Variants in PRELID3B observed in about 807,000 individuals in gnomAD.
PRELID3B encodes PRELI domain containing protein 3B.
A neutral mutation model predicts 24.0 loss-of-function variants in PRELID3B; 15 were observed. The observed-to-expected ratio is 0.63, with a 90% confidence interval of 0.42 to 0.96. The LOEUF is 0.96. Ranked by LOEUF, PRELID3B falls within the 40% of genes least tolerant of loss-of-function variation. The pLI, the probability that PRELID3B is intolerant of heterozygous loss-of-function variation, is 0.00. For missense variants in PRELID3B, 189 were observed against 236.0 expected (o/e 0.80, Z 1.30); for synonymous variants, 62 against 76.0 (o/e 0.82, Z 0.96).
chr20:59,040,630 G>T lies in PRELID3B; in HGVS notation c.33-1996C>A, dbSNP rs2092103891. Among the ~76,000 whole-genome samples the T allele has an allele frequency of 6.6e-6, 1 of 152,226 alleles. No individual in the cohort carries two copies. Among genetic ancestry groups the T allele is most frequent in the Non-Finnish European group, 1.5e-5 (1 of 68,042 alleles). On this transcript the variant is annotated intron_variant, in intron 1 of 5. Transcript: ENST00000355937. The surrounding 1 kb of genome is among the most constrained non-coding windows in gnomAD (Gnocchi z 4.1). ...GATGTAGAATGATGACTTAGACATT[G>T]TTAGAGAGTGACATCCTAAAGATCA...
At chr20:59,038,223 C>A (rs1235748475) in intron 2 of PRELID3B, 1 of 399,248 alleles carries the variant, frequency 2.5e-6, no homozygotes, top group Non-Finnish European at 4.5e-6. Flanking sequence ...GAATAGAACT[C>A]CTTTCAGATC....
At chr20:59,042,042 G>C (rs1306590157) in intron 1 of PRELID3B, among the ~76,000 whole-genome samples, 1 of 152,210 alleles carries the variant, frequency 6.6e-6, no homozygotes, top group Non-Finnish European at 1.5e-5. Context: ...GCCTCAAAGA[G>C]CTAACACGGG....
In PRELID3B at chr20:59,033,374, A is replaced by C. The variant is rs1189710846; in HGVS notation, c.*1633T>G. 6.6e-6 allele frequency: 1 copy of C among 152,204 alleles called. No individual in the cohort carries two copies. The highest frequency in any genetic ancestry group is 1.5e-5 in the Non-Finnish European group (1 of 68,040). 9.4% of individuals were successfully genotyped at this position (152,204 alleles called of 1,614,324 possible). On this transcript the variant is annotated 3_prime_UTR_variant, in exon 6 of 6. Transcript: ENST00000355937. The stretch of plus-strand genomic sequence containing the variant: ...AAAAAATCAAAGGATAAGGATTTAA[A>C]AATATTAGGGCATTACACCTTTTTC...
chr20:59,036,001 A>G (rs1228813737), intron 5 of PRELID3B, among the ~76,000 whole-genome samples: 4 of 152,222 alleles, frequency 2.6e-5, no homozygotes, highest in Non-Finnish European at 5.9e-5. Context: ...TTATGTATAA[A>G]GCCCACACAT....
chr20:59,036,069 A>T (rs1203395145), intron 5 of PRELID3B, among the ~76,000 whole-genome samples: 6 of 144,126 alleles, frequency 4.2e-5, no homozygotes, highest in Middle Eastern at 7.1e-3. Context: ...GTCTAAAACG[A>T]GTTGTGGGGG....
Position 59,033,797 on chromosome 20 carries a change from T to TAA in PRELID3B, c.*1208_*1209dup, listed in dbSNP as rs1476671152. 6.6e-6 allele frequency: 1 copy of TAA among 152,266 alleles called. No individual in the cohort carries two copies. Among genetic ancestry groups the TAA allele is most frequent in the Non-Finnish European group, 1.5e-5 (1 of 68,050 alleles). The allele number at this position is 152,266 out of a possible 1,614,324, so 9.4% of individuals were successfully genotyped here. On this transcript the variant is annotated 3_prime_UTR_variant, in exon 6 of 6. Coordinates refer to ENST00000355937, the MANE Select transcript of PRELID3B (RefSeq NM_016045.3). ...AATGTCAAAGCTATTATTTAGTAGT[T>TAA]AATTGCCTGCTACAATACATAAAAC...
chr20:59,038,419 ACTT>A, intron 2 of PRELID3B, 44 bp downstream of exon 2: 1 of 1,555,586 alleles, frequency 6.4e-7, no homozygotes, highest in Non-Finnish European at 8.8e-7. Flanking sequence ...GGTTTAGAAA[ACTT>A]CTCTACAGCA....
At chr20:59,042,038 A>G (rs77098682) in intron 1 of PRELID3B, among the ~76,000 whole-genome samples, 31 of 152,362 alleles carry the variant, frequency 2.0e-4, no homozygotes, top group African/African-American at 7.2e-4. Context: ...CGTGGCCTCA[A>G]AGAGCTAACA....
chr20:59,038,686 A>G, intron 1 of PRELID3B, 52 bp from the exon 2 acceptor site: 1 of 1,516,734 alleles, frequency 6.6e-7, no homozygotes, highest in Non-Finnish European at 8.8e-7. Flanking sequence ...ATTTAAAATT[A>G]TGCATATGAG....
chr20:59,036,381 C>T, intron 5 of PRELID3B, 90 bp downstream of exon 5: 1 of 971,424 alleles, frequency 1.0e-6, no homozygotes. Flanking sequence ...GGGCAAGGGT[C>T]AGCTTACAAG....
intron 4 of PRELID3B, 46 bp from the exon 5 acceptor site, chr20:59,036,619 T>C (rs772789818): frequency 1.4e-5 from 22 of 1,593,290 alleles, no homozygotes; most frequent in Non-Finnish European, 1.7e-5. Context: ...CCAGCTTTCA[T>C]TTTCAAAAAA....
Position 59,040,917 on chromosome 20 carries a change from T to C in PRELID3B, c.32+1782A>G, listed in dbSNP as rs192501630. Among the ~76,000 whole-genome samples, 13 of 152,080 alleles carry C rather than the reference T, an allele frequency of 8.5e-5. No homozygotes were observed. Among genetic ancestry groups the C allele is most frequent in the Admixed American group, 7.9e-4 (12 of 15,286 alleles). ...TGCTTCTCCCAGGACAAAAAAAAAG[T>C]CTGTGACGAAAAGAGAAACAAAAAA... On this transcript the variant is annotated intron_variant, in intron 1 of 5. Transcript: ENST00000355937. The surrounding 1 kb of genome is among the most constrained non-coding windows in gnomAD (Gnocchi z 4.1).
chr20:59,033,208 TAGTCCA>T lies in PRELID3B; in HGVS notation c.*1793_*1798del, dbSNP rs1437936501. 4 of 152,230 alleles carry T rather than the reference TAGTCCA, an allele frequency of 2.6e-5. No individual in the cohort carries two copies. Among genetic ancestry groups the T allele is most frequent in the Non-Finnish European group, 5.9e-5 (4 of 68,036 alleles). 9.4% of individuals were successfully genotyped at this position (152,230 alleles called of 1,614,324 possible). A position where few individuals can be genotyped will look rare whatever the true frequency, so the allele number is the denominator to read the frequency against. On this transcript the variant is annotated 3_prime_UTR_variant, in exon 6 of 6. Transcript: ENST00000355937. Reference sequence around the variant, plus strand: ...TAATTCACATTTCAACTTTATTAAATAGTCCAAGGGTTTCATTTATGAACACTTATT... The same window carrying T: ...TAATTCACATTTCAACTTTATTAAATAGGGTTTCATTTATGAACACTTATT...
chr20:59,036,552 G>A lies in PRELID3B; in HGVS notation c.384C>T (p.Ala128=), dbSNP rs777793107. The part of the protein sequence containing the change: ...DPEKTVLTQE[A]IITVKGVSLS... ...GGCTAACTCCTTTCACGGTAATTAT[G>A]GCTTCTTGTGTCAAAACAGTTCTGG... The change falls in exon 5 of 6, where the codon GCC becomes GCT. Residue 128 remains alanine, a synonymous_variant. Transcript: ENST00000355937. 1 of 1,613,944 alleles carries A rather than the reference G, an allele frequency of 6.2e-7. No homozygotes were observed. Among genetic ancestry groups the A allele is most frequent in the African/African-American group, 1.3e-5 (1 of 74,892 alleles).
chr20:59,042,718 T>G lies in PRELID3B; in HGVS notation c.13A>C (p.Thr5Pro). Residue 5 changes from threonine (T) to proline (P), a missense_variant, in exon 1 of 6, where the codon ACT becomes CCT. Thr to Pro is a conservative substitution (Grantham distance 38). Transcript: ENST00000355937. MKIW[T>P]SEHVFDHPWE... ...ACTTACTCAAAGACGTGCTCCGAAG[T>G]CCAGATCTTCATGGTGCCGGCACCC... 1.9e-6 allele frequency: 3 copies of G among 1,601,848 alleles called. No homozygotes were observed. The East Asian group carries it at 6.8e-5, about 36-fold the overall frequency.
chr20:59,036,264 GT>G (rs2092071446), intron 5 of PRELID3B, among the ~76,000 whole-genome samples: 1 of 152,168 alleles, frequency 6.6e-6, no homozygotes, highest in Non-Finnish European at 1.5e-5. Context: ...GCATAGAAAG[GT>G]TAACTTAGTT....
intron 4 of PRELID3B, 40 bp from the exon 5 acceptor site, chr20:59,036,613 CT>C (rs752603422): frequency 5.7e-6 from 9 of 1,590,330 alleles, no homozygotes; most frequent in Non-Finnish European, 6.9e-6. Flanking sequence ...GATGACCCAG[CT>C]TTCATTTTCA....
intron 1 of PRELID3B, 21 bp downstream of exon 1, chr20:59,042,678 C>T: frequency 1.3e-6 from 2 of 1,583,984 alleles, no homozygotes; most frequent in South Asian, 1.2e-5. Context: ...TCCACGGAGC[C>T]GACCCGCGCC....
Position 59,034,923 on chromosome 20 carries a change from A to G in PRELID3B, c.*84T>C. ...AAAAAAAAAAAACTACCCAAAATAT[A>G]GTTGTATTTTTAAAATAACAAATAA... On this transcript the variant is annotated 3_prime_UTR_variant, in exon 6 of 6. Coordinates refer to ENST00000355937, the MANE Select transcript of PRELID3B (RefSeq NM_016045.3). 8.4e-7 allele frequency: 1 copy of G among 1,190,462 alleles called. No homozygotes were observed. 73.7% of individuals were successfully genotyped at this position (1,190,462 alleles called of 1,614,324 possible). A position where few individuals can be genotyped will look rare whatever the true frequency, so the allele number is the denominator to read the frequency against.
Sources: gnomAD v4.1 joint callset for allele counts (sites outside exome capture counted in the v4.1 genomes callset) on GRCh38, gnomAD v4.1.1 for gene constraint, Gnocchi (gnomAD v3.1) non-coding constraint, MANE v1.5 for transcripts, NCBI Gene and HGNC (gene_info 2026-07-23, HGNC 2026-07-21) for gene names.